CHKA: variants seen among roughly 807,000 people sequenced by gnomAD.
CHKA encodes the protein choline kinase alpha.
In CHKA, 34 loss-of-function variants were observed where a neutral mutation model predicts 60.1. That is an observed-to-expected ratio of 0.57 (90% CI 0.43 to 0.75). The LOEUF is 0.75. Ranked by LOEUF, CHKA falls within the 30% of genes least tolerant of loss-of-function variation. The pLI, the probability that CHKA is intolerant of heterozygous loss-of-function variation, is 0.00. For synonymous variants in CHKA, 217 were observed against 223.1 expected, an observed-to-expected ratio of 0.97 and a Z score of 0.24; for missense variants, 563 against 561.3, an observed-to-expected ratio of 1.00 and a Z score of -0.03.
chr11:68,054,084 C>A (rs373511681), intron 11 of CHKA, 37 bp from the exon 12 acceptor site: 16 of 1,575,216 alleles, frequency 1.0e-5, no homozygotes, highest in Non-Finnish European at 1.4e-5. Context: ...AGCAAGGAAT[C>A]CTGCTGGCCT....
intron 7 of CHKA, among the ~76,000 whole-genome samples, chr11:68,067,434 C>T (rs1487738043): frequency 6.6e-6 from 1 of 152,102 alleles, no homozygotes; most frequent in Non-Finnish European, 1.5e-5. Flanking sequence ...GAAACTCCAT[C>T]TCCACAAATA....
rs1555011684 is a variant in CHKA, at chr11:68,095,724, A to AAC, written c.462+1294_462+1295insGT. Among the ~76,000 whole-genome samples, 241 of 142,878 alleles carry AAC rather than the reference A, an allele frequency of 1.7e-3. 21 individuals are homozygous for AAC. Among genetic ancestry groups the AAC allele is most frequent in the African/African-American group, 5.9e-3 (224 of 38,178 alleles). The allele number at this position is 142,878 out of a possible 152,430, so 93.7% of individuals were successfully genotyped here. ...ACTCCGTCGCAAAAAAAAAAAAAAA[A>AAC]AAAAAAAAAACAACAGGTATCAAAA... is the stretch of plus-strand genomic sequence containing the variant. On this transcript the variant is annotated intron_variant, in intron 2 of 11. Transcript: ENST00000265689.
intron 4 of CHKA, among the ~76,000 whole-genome samples, chr11:68,072,829 CA>C (rs915417124): frequency 1.3e-5 from 2 of 151,362 alleles, no homozygotes; most frequent in Non-Finnish European, 2.9e-5. Context: ...CCCATCTCTA[CA>C]AAAAAAAATT....
chr11:68,084,323 T>C (rs1343517916), intron 2 of CHKA, among the ~76,000 whole-genome samples: 1 of 141,930 alleles, frequency 7.0e-6, no homozygotes. Flanking sequence ...TGTGTATATA[T>C]ATACACATAT....
At chr11:68,068,468 A>G (rs1250297849) in intron 7 of CHKA, among the ~76,000 whole-genome samples, 1 of 151,354 alleles carries the variant, frequency 6.6e-6, no homozygotes, top group African/African-American at 2.4e-5. Flanking sequence ...TCCAGGCTAC[A>G]GTACAGTGGT....
At chr11:68,070,928 T>G in intron 4 of CHKA, 71 bp from the exon 5 acceptor site, 1 of 1,491,370 alleles carries the variant, frequency 6.7e-7, no homozygotes, top group Non-Finnish European at 9.2e-7. Context: ...CACACAGTCT[T>G]AGGAACGAGA....
At chr11:68,063,186 C>T (rs180783677) in intron 10 of CHKA, among the ~76,000 whole-genome samples, 17 of 152,228 alleles carry the variant, frequency 1.1e-4, no homozygotes, top group African/African-American at 3.6e-4. Context: ...TGGTGGCCGC[C>T]ACTCCAGAAG....
intron 1 of CHKA, among the ~76,000 whole-genome samples, chr11:68,097,786 TC>T (rs1158616969): frequency 1.3e-5 from 2 of 152,062 alleles, no homozygotes; most frequent in Non-Finnish European, 2.9e-5. Context: ...TTCAAAAAAC[TC>T]CCAACATTAA....
intron 1 of CHKA, among the ~76,000 whole-genome samples, chr11:68,116,919 T>C (rs1004244517): frequency 6.6e-6 from 1 of 152,188 alleles, no homozygotes; most frequent in Non-Finnish European, 1.5e-5. Context: ...GACAAGGATC[T>C]CCGTTCATCA....
chr11:68,105,514 C>CAAAAAAAAAAAAAAAAA (rs1170085830), intron 1 of CHKA, among the ~76,000 whole-genome samples: 7 of 64,956 alleles, frequency 1.1e-4, no homozygotes, highest in African/African-American at 1.8e-4. Context: ...GACTCCATCT[C>CAAAAAAAAAAAAAAAAA]AAAAAAAAAA....
intron 1 of CHKA, among the ~76,000 whole-genome samples, chr11:68,115,496 G>A (rs1858349953): frequency 6.6e-6 from 1 of 152,082 alleles, no homozygotes; most frequent in Non-Finnish European, 1.5e-5. Context: ...GCAGGCAGGG[G>A]GTTATATGGG....
chr11:68,102,212 C>T (rs994199173), intron 1 of CHKA, among the ~76,000 whole-genome samples: 1 of 152,070 alleles, frequency 6.6e-6, no homozygotes, highest in Non-Finnish European at 1.5e-5. Context: ...AAAACCAATC[C>T]TAAAATTTAT....
chr11:68,093,708 T>TA (rs1857419433), intron 2 of CHKA, among the ~76,000 whole-genome samples: 2 of 152,190 alleles, frequency 1.3e-5, no homozygotes, highest in South Asian at 4.1e-4. Flanking sequence ...GAATCTTTAT[T>TA]AGAGGAAGGC....
intron 2 of CHKA, 59 bp downstream of exon 2, chr11:68,096,960 C>T: frequency 8.4e-7 from 1 of 1,196,126 alleles, no homozygotes; most frequent in Non-Finnish European, 1.2e-6. Flanking sequence ...GGTATCTCAG[C>T]AAAGAGGATT....
At position 68,098,984 on chromosome 11, in the gene CHKA, T is replaced by C. The variant is rs1448218558; in HGVS notation, c.351-1854A>G. Among the ~76,000 whole-genome samples, 4 of 152,122 alleles carry C rather than the reference T, an allele frequency of 2.6e-5. No homozygotes were observed. In the East Asian group the frequency reaches 7.7e-4, roughly 29 times the overall value. ...ACAGGCACACCATGCCTGACCTTAT[T>C]TTACCACAGTTTTAATAAAAAAGTA... On this transcript the variant is annotated intron_variant, in intron 1 of 11. Coordinates refer to ENST00000265689, the MANE Select transcript of CHKA (RefSeq NM_001277.3).
chr11:68,109,080 CTTTTCCTTTTTTTT>C (rs1858031366), intron 1 of CHKA, among the ~76,000 whole-genome samples: 1 of 143,220 alleles, frequency 7.0e-6, no homozygotes, highest in African/African-American at 2.6e-5. Context: ...TTCCTTTTTT[CTTTTCCTTTTTTTT>C]TTTTTTTTTT....
At chr11:68,106,314 G>A (rs112951992) in intron 1 of CHKA, among the ~76,000 whole-genome samples, 5 of 152,252 alleles carry the variant, frequency 3.3e-5, no homozygotes, top group African/African-American at 1.2e-4. Context: ...ACTTCAGGAG[G>A]TCAAGGTGAA....
chr11:68,060,552 C>G (rs1856197225), intron 11 of CHKA, among the ~76,000 whole-genome samples: 1 of 152,218 alleles, frequency 6.6e-6, no homozygotes, highest in African/African-American at 2.4e-5. Flanking sequence ...CTCAAGTGAT[C>G]CAACCACCTC....
rs2134512466 is a variant in CHKA, at chr11:68,064,539, C to T, written c.1218G>A (p.Leu406=). The T allele has an allele frequency of 1.3e-6, 2 of 1,552,208 alleles. No individual in the cohort carries two copies. The highest frequency in any genetic ancestry group is 1.8e-6 in the Non-Finnish European group (2 of 1,142,306). ...AAAAATGTTACCTATTAACTTCAAGCAACATTTCTTCTTTTATAATGGATT... is the reference window on the plus strand; with the variant it reads ...AAAAATGTTACCTATTAACTTCAAGTAACATTTCTTCTTTTATAATGGATT... ...EEKSIIKEEM[L]LEVNRFALAS... is the part of the protein sequence containing the mutation. Residue 406 remains leucine (L), a synonymous_variant, in exon 10 of 12, where the codon TTG becomes TTA. Transcript: ENST00000265689.
Sources: gnomAD v4.1 joint callset for allele counts (sites outside exome capture counted in the v4.1 genomes callset) on GRCh38, gnomAD v4.1.1 for gene constraint, MANE v1.5 for transcripts, NCBI Gene and HGNC (gene_info 2026-07-23, HGNC 2026-07-21) for gene names.